NTN4: variants seen among roughly 807,000 people sequenced by gnomAD.
NTN4 encodes netrin-4.
In NTN4, 32 loss-of-function variants were observed where a neutral mutation model predicts 73.6. The observed-to-expected ratio is 0.44, with a 90% CI of 0.33 to 0.58. NTN4 has a LOEUF of 0.58. NTN4 is among the 20% of genes least tolerant of loss of function. NTN4 has a pLI of 0.04. For missense variants in NTN4, 654 were observed against 798.3 expected (o/e 0.82, Z 2.18); for synonymous variants, 258 against 287.5 (o/e 0.90, Z 1.04).
intron 3 of NTN4, among the ~76,000 whole-genome samples, chr12:95,731,878 G>A (rs2121155455): frequency 6.6e-6 from 1 of 152,242 alleles, no homozygotes; most frequent in East Asian, 1.9e-4. Flanking sequence ...TCAAGTCTCG[G>A]TTTCGCATCT....
chr12:95,788,968 T>C (rs1356110985), intron 1 of NTN4, among the ~76,000 whole-genome samples: 1 of 152,172 alleles, frequency 6.6e-6, no homozygotes, highest in Non-Finnish European at 1.5e-5. Flanking sequence ...TGCCATAATA[T>C]GGTTTGAGAA....
At position 95,657,910 on chromosome 12, in the gene NTN4, T is replaced by A. The variant is rs1242984578; in HGVS notation, c.*1176A>T. On this transcript the variant is annotated 3_prime_UTR_variant, in exon 10 of 10. Transcript: ENST00000343702. ...CACAGGACTTCAGAGAAAAAAAGGT[T>A]CTGTATGTGAAATTATTCATATGGC... 6.6e-6 allele frequency: 1 copy of A among 152,606 alleles called. No homozygotes were observed. Among genetic ancestry groups the A allele is most frequent in the Admixed American group, 6.5e-5 (1 of 15,268 alleles). The allele number at this position is 152,606 out of a possible 1,614,324, so 9.5% of individuals were successfully genotyped here.
rs760337067 is a variant in NTN4, at chr12:95,665,972, T to C, written c.1588A>G (p.Ile530Val). The C allele has an allele frequency of 1.2e-6, 2 of 1,607,336 alleles. No homozygotes were observed. The highest frequency in any genetic ancestry group is 2.7e-5 in the African/African-American group (2 of 74,754). Residue 530 changes from isoleucine (I) to valine (V), a missense_variant, in exon 9 of 10, where the codon ATA (isoleucine) becomes GTA (valine). Ile to Val is a conservative substitution (Grantham distance 29, BLOSUM62 3). Transcript: ENST00000343702. ...CGMKYSYVLK[I>V]KILSAHDKGT... ...TTATCATGAGCTGATAAAATCTTTATTTTTAGCACTGTTAACACAGAAGTC... is the reference window on the plus strand; with the variant it reads ...TTATCATGAGCTGATAAAATCTTTACTTTTAGCACTGTTAACACAGAAGTC...
intron 3 of NTN4, among the ~76,000 whole-genome samples, chr12:95,719,364 T>C (rs1046832857): frequency 4.6e-5 from 7 of 152,232 alleles, no homozygotes; most frequent in Non-Finnish European, 5.9e-5. Context: ...CTATGGACCA[T>C]AGAAAAATGC....
At chr12:95,734,736 A>G (rs1042531897) in intron 3 of NTN4, among the ~76,000 whole-genome samples, 22 of 152,274 alleles carry the variant, frequency 1.4e-4, no homozygotes, top group African/African-American at 5.3e-4. Flanking sequence ...AAGCAATCAT[A>G]GGAATTAAAA....
At chr12:95,744,824 G>A (rs1215953769) in intron 2 of NTN4, among the ~76,000 whole-genome samples, 1 of 136,296 alleles carries the variant, frequency 7.3e-6, no homozygotes, top group Non-Finnish European at 1.5e-5. Context: ...CAAATCTGCT[G>A]GTGAAAAACT....
intron 9 of NTN4, chr12:95,663,620 C>T (rs990584441): frequency 6.6e-6 from 1 of 152,186 alleles, no homozygotes; most frequent in Non-Finnish European, 1.5e-5. Flanking sequence ...CTTTCTTTGG[C>T]CTTGGCTGTT....
intron 3 of NTN4, among the ~76,000 whole-genome samples, chr12:95,727,781 T>G (rs2078705777): frequency 6.6e-6 from 1 of 152,172 alleles, no homozygotes; most frequent in Non-Finnish European, 1.5e-5. Context: ...CTATTTGAGG[T>G]CCTTTGCTTT....
chr12:95,723,811 CTATTTCAGCATTCTT>C (rs2078669345), intron 3 of NTN4, among the ~76,000 whole-genome samples: 2 of 152,190 alleles, frequency 1.3e-5, no homozygotes, highest in Admixed American at 1.3e-4. Context: ...TGTGCCTGGC[CTATTTCAGCATTCTT>C]TATTTGCCTA....
intron 2 of NTN4, among the ~76,000 whole-genome samples, chr12:95,757,131 A>G (rs1458347242): frequency 6.6e-6 from 1 of 152,160 alleles, no homozygotes; most frequent in Non-Finnish European, 1.5e-5. Context: ...CTTGCCCATC[A>G]GTGTGTAGGC....
intron 2 of NTN4, among the ~76,000 whole-genome samples, chr12:95,760,836 A>C (rs2078982206): frequency 6.6e-6 from 1 of 152,176 alleles, no homozygotes; most frequent in Non-Finnish European, 1.5e-5. Context: ...TTGGAGTGTC[A>C]GAAGTGAGAC....
At chr12:95,661,399 A>G (rs2078136913) in intron 9 of NTN4, among the ~76,000 whole-genome samples, 1 of 152,248 alleles carries the variant, frequency 6.6e-6, no homozygotes, top group Non-Finnish European at 1.5e-5. Flanking sequence ...TTATTGATTC[A>G]GGAAAGGATT....
At chr12:95,776,431 G>A (rs897549564) in intron 2 of NTN4, among the ~76,000 whole-genome samples, 1 of 152,140 alleles carries the variant, frequency 6.6e-6, no homozygotes, top group Non-Finnish European at 1.5e-5. Context: ...TAGACGAATG[G>A]CTAACTAGAA....
At chr12:95,739,105 C>T (rs765157609) in intron 2 of NTN4, among the ~76,000 whole-genome samples, 5 of 152,144 alleles carry the variant, frequency 3.3e-5, no homozygotes, top group Non-Finnish European at 7.3e-5. Flanking sequence ...TAGGCGGTCA[C>T]GTATGTATCC....
intron 2 of NTN4, among the ~76,000 whole-genome samples, chr12:95,771,923 C>T (rs1030665552): frequency 6.6e-6 from 1 of 152,124 alleles, no homozygotes; most frequent in Admixed American, 6.5e-5. Context: ...CAACTTCTCT[C>T]TCACCTGTGA....
At chr12:95,709,644 C>T (rs1376434789) in intron 5 of NTN4, among the ~76,000 whole-genome samples, 1 of 151,770 alleles carries the variant, frequency 6.6e-6, no homozygotes, top group Admixed American at 6.6e-5. Flanking sequence ...AGCCATCCTC[C>T]CACCTCAGCC....
Position 95,710,571 on chromosome 12 carries a change from T to A in NTN4, c.1050A>T (p.Ala350=), listed in dbSNP as rs146091264. The stretch of plus-strand genomic sequence containing the variant: ...AGACACCACCACTACGATTCCCTGA[T>A]GCCTCCCACACATTAACGTCGAAGT... ...TCHFDVNVWE[A]SGNRSGGVCD... Residue 350 remains alanine, a synonymous_variant, in exon 5 of 10, where the codon GCA becomes GCT. Transcript: ENST00000343702. 1.0e-4 allele frequency: 167 copies of A among 1,614,098 alleles called. No homozygotes were observed. Among genetic ancestry groups the A allele is most frequent in the Middle Eastern group, 1.6e-4 (1 of 6,084 alleles).
intron 2 of NTN4, among the ~76,000 whole-genome samples, chr12:95,769,920 C>A (rs2079045707): frequency 6.6e-6 from 1 of 152,070 alleles, no homozygotes; most frequent in Non-Finnish European, 1.5e-5. Flanking sequence ...CCACACCCGG[C>A]TAATTTTTGT....
intron 3 of NTN4, among the ~76,000 whole-genome samples, chr12:95,725,643 C>G (rs1000720479): frequency 6.6e-6 from 1 of 152,104 alleles, no homozygotes; most frequent in Non-Finnish European, 1.5e-5. Flanking sequence ...GATAAATGAG[C>G]CCCTGATTGT....
Sources: gnomAD v4.1 joint callset for allele counts (sites outside exome capture counted in the v4.1 genomes callset) on GRCh38, gnomAD v4.1.1 for gene constraint, MANE v1.5 for transcripts, NCBI Gene and HGNC (gene_info 2026-07-23, HGNC 2026-07-21) for gene names.